MTUS2: variants seen among roughly 807,000 people sequenced by gnomAD.
MTUS2 encodes the protein microtubule-associated tumor suppressor candidate 2.
In MTUS2, 40 loss-of-function variants were observed where a neutral mutation model predicts 114.1. That is an observed-to-expected ratio of 0.35 (90% CI 0.27 to 0.46). The LOEUF (loss-of-function observed/expected upper bound fraction) is 0.46. Ranked by LOEUF, MTUS2 falls within the 20% of genes least tolerant of loss-of-function variation. The pLI is 1.00. For synonymous variants in MTUS2, 688 were observed against 672.0 expected (o/e 1.02, Z -0.37); for missense variants, 1,679 against 1,705.4 (o/e 0.98, Z 0.27).
chr13:29,159,403 G>A (rs1893002284), intron 5 of MTUS2, among the ~76,000 whole-genome samples: 1 of 152,016 alleles, frequency 6.6e-6, no homozygotes, highest in Non-Finnish European at 1.5e-5. Flanking sequence ...AAAACTTTTA[G>A]GAAAAAGAAT....
chr13:28,916,721 A>G (rs190235731), intron 2 of MTUS2, among the ~76,000 whole-genome samples: 15 of 151,860 alleles, frequency 9.9e-5, no homozygotes, highest in African/African-American at 3.1e-4. Flanking sequence ...AAACAAAAAT[A>G]ATTTGACTTC....
At chr13:28,888,360 A>G (rs1202563099) in intron 2 of MTUS2, among the ~76,000 whole-genome samples, 1 of 152,104 alleles carries the variant, frequency 6.6e-6, no homozygotes, top group East Asian at 1.9e-4. Context: ...GATGCCTCAT[A>G]CAGAATGAGA....
chr13:29,410,096 C>T (rs973421175), intron 8 of MTUS2, among the ~76,000 whole-genome samples: 2 of 151,112 alleles, frequency 1.3e-5, no homozygotes, highest in African/African-American at 2.4e-5. Context: ...ACTGTTTCCT[C>T]GAACCCTTGC....
intron 4 of MTUS2, among the ~76,000 whole-genome samples, chr13:29,091,557 C>A (rs1321170375): frequency 6.6e-6 from 1 of 152,106 alleles, no homozygotes; most frequent in Non-Finnish European, 1.5e-5. Flanking sequence ...AGGCTTATAT[C>A]TTCACATGAT....
intron 6 of MTUS2, among the ~76,000 whole-genome samples, chr13:29,297,235 T>A (rs1898987382): frequency 6.6e-6 from 1 of 152,224 alleles, no homozygotes; most frequent in African/African-American, 2.4e-5. Flanking sequence ...CATCTTTGTC[T>A]TACATGTAAT....
chr13:29,111,128 A>C (rs751315609), intron 5 of MTUS2, among the ~76,000 whole-genome samples: 1 of 152,224 alleles, frequency 6.6e-6, no homozygotes. Flanking sequence ...AGTAAGGAAT[A>C]GTAGAATTGT....
chr13:29,487,866 CTCTG>C, intron 10 of MTUS2, 30 bp from the exon 11 acceptor site: 1 of 1,520,038 alleles, frequency 6.6e-7, no homozygotes, highest in Non-Finnish European at 9.1e-7. Context: ...CCAAGCAGCT[CTCTG>C]TCTAACCAGT....
chr13:29,070,367 A>G (rs547719566), intron 4 of MTUS2, among the ~76,000 whole-genome samples: 1 of 152,302 alleles, frequency 6.6e-6, no homozygotes, highest in Admixed American at 6.5e-5. Context: ...AACTTGCAGA[A>G]TGTTAATATT....
intron 2 of MTUS2, among the ~76,000 whole-genome samples, chr13:29,016,053 C>T (rs924567060): frequency 3.3e-5 from 5 of 151,936 alleles, no homozygotes; most frequent in South Asian, 2.1e-4. Flanking sequence ...TACAGGTTTG[C>T]GCCACCACAC....
At chr13:29,083,988 T>C (rs762730934) in intron 4 of MTUS2, among the ~76,000 whole-genome samples, 9 of 152,116 alleles carry the variant, frequency 5.9e-5, no homozygotes, top group Non-Finnish European at 1.3e-4. Context: ...GTTCAGTAAC[T>C]CCCCTAAGAT....
chr13:29,489,583 C>G (rs1283076668), intron 11 of MTUS2: 1 of 152,204 alleles, frequency 6.6e-6, no homozygotes, highest in Non-Finnish European at 1.5e-5. Flanking sequence ...ACATTGGAAC[C>G]ACCTGGAAGT....
At chr13:29,462,394 C>T (rs74044806) in intron 9 of MTUS2, among the ~76,000 whole-genome samples, 3,306 of 152,204 alleles carry the variant, frequency 0.022, 104 homozygotes, top group African/African-American at 0.071. Context: ...TCTTCAGAGT[C>T]GCTTTGGCTG....
chr13:29,148,526 T>C (rs1892536189), intron 5 of MTUS2, among the ~76,000 whole-genome samples: 2 of 108,840 alleles, frequency 1.8e-5, no homozygotes, highest in African/African-American at 5.7e-5. Flanking sequence ...TCGCCCAGGC[T>C]GGAGTGCAGT....
At chr13:28,913,749 CT>C (rs1215931776) in intron 2 of MTUS2, among the ~76,000 whole-genome samples, 1 of 151,582 alleles carries the variant, frequency 6.6e-6, no homozygotes, top group African/African-American at 2.4e-5. Flanking sequence ...TGGTCCTGGG[CT>C]TTTTTTTGGT....
At chr13:29,332,351 G>A (rs1900821361) in intron 7 of MTUS2, among the ~76,000 whole-genome samples, 1 of 152,126 alleles carries the variant, frequency 6.6e-6, no homozygotes, top group Non-Finnish European at 1.5e-5. Context: ...TTGAGTAGAG[G>A]TGTTTATAGT....
intron 5 of MTUS2, among the ~76,000 whole-genome samples, chr13:29,122,423 C>T (rs1311922565): frequency 1.3e-5 from 2 of 152,138 alleles, no homozygotes; most frequent in East Asian, 3.9e-4. Context: ...CACATGGAGG[C>T]AGCAAGAAGT....
In MTUS2 at chr13:29,503,396, G is replaced by GTAAA; in HGVS notation, c.*191_*194dup. The GTAAA allele has an allele frequency of 1.6e-6, 1 of 628,960 alleles. No homozygotes were observed. The highest frequency in any genetic ancestry group is 2.7e-5 in the East Asian group (1 of 36,440). 39.0% of individuals were successfully genotyped at this position (628,960 alleles called of 1,614,324 possible). A position where few individuals can be genotyped will look rare whatever the true frequency, so the allele number is the denominator to read the frequency against. ...GTCGGCACTTAGGAATGTGTAAATGGTAAAGTCTGATGTGCAAACGTTTTA... is the reference window on the plus strand; with the variant it reads ...GTCGGCACTTAGGAATGTGTAAATGGTAAATAAAGTCTGATGTGCAAACGTTTTA... On this transcript the variant is annotated 3_prime_UTR_variant, in exon 16 of 16. Coordinates refer to ENST00000612955, the MANE Select transcript of MTUS2 (RefSeq NM_001033602.4).
chr13:29,220,095 A>G (rs1178177539), intron 5 of MTUS2, among the ~76,000 whole-genome samples: 1 of 151,860 alleles, frequency 6.6e-6, no homozygotes, highest in Non-Finnish European at 1.5e-5. Context: ...TCCCGGGTTC[A>G]AGCCATTCTC....
intron 6 of MTUS2, among the ~76,000 whole-genome samples, chr13:29,294,490 G>T (rs763785372): frequency 1.3e-5 from 2 of 152,110 alleles, no homozygotes; most frequent in Admixed American, 6.6e-5. Context: ...AATCATATTT[G>T]TTAGGGGTTT....
Sources: gnomAD v4.1 joint callset for allele counts (sites outside exome capture counted in the v4.1 genomes callset) on GRCh38, gnomAD v4.1.1 for gene constraint, MANE v1.5 for transcripts, NCBI Gene and HGNC (gene_info 2026-07-23, HGNC 2026-07-21) for gene names.